The following C4BPA variants were observed in gnomAD, a reference collection of about 807,000 sequenced individuals.
The protein encoded by C4BPA is complement component 4 binding protein alpha, also known as C4b-binding protein alpha chain.
Under a neutral mutation model 63.7 loss-of-function variants are expected in C4BPA, and 31 were observed. The ratio of observed to expected loss-of-function variants is 0.49; its 90% CI spans 0.37 to 0.66. The LOEUF is 0.66. Ranked by LOEUF, C4BPA falls within the 30% of genes least tolerant of loss-of-function variation. The pLI, the probability that C4BPA is intolerant of heterozygous loss-of-function variation, is 0.00. For missense variants in C4BPA, 572 were observed against 723.3 expected (o/e 0.79, Z 2.40); for synonymous variants, 259 against 254.7 (o/e 1.02, Z -0.16).
At chr1:207,124,412 T>G in intron 6 of C4BPA, 46 bp downstream of exon 6, 1 of 1,440,162 alleles carries the variant, frequency 6.9e-7, no homozygotes, top group Non-Finnish European at 9.6e-7. Flanking sequence ...TGCTCTCTTT[T>G]GTTTAAAAGA....
intron 4 of C4BPA, among the ~76,000 whole-genome samples, chr1:207,123,421 T>C (rs1684960406): frequency 6.6e-6 from 1 of 152,212 alleles, no homozygotes; most frequent in African/African-American, 2.4e-5. Context: ...TTTGTTTTTT[T>C]CTGTTAGCAT....
chr1:207,134,743 G>A (rs1685243400), intron 9 of C4BPA, 151 bp downstream of exon 9: 1 of 540,586 alleles, frequency 1.8e-6, no homozygotes, highest in Non-Finnish European at 3.3e-6. Flanking sequence ...TCCTCATTGT[G>A]TGTTCCCTTT....
At chr1:207,127,713 T>C (rs1685076831) in intron 7 of C4BPA, among the ~76,000 whole-genome samples, 1 of 151,684 alleles carries the variant, frequency 6.6e-6, no homozygotes, top group Non-Finnish European at 1.5e-5. Context: ...CTCTGGAGAG[T>C]GATCAAAGGG....
intron 7 of C4BPA, 50 bp from the exon 8 acceptor site, chr1:207,131,496 G>T (rs1205637014): frequency 8.9e-6 from 12 of 1,341,324 alleles, no homozygotes; most frequent in Middle Eastern, 1.9e-4. Flanking sequence ...TGCTGTGGCA[G>T]CCCTAGTAAT....
chr1:207,131,421 G>T, intron 7 of C4BPA, 125 bp from the exon 8 acceptor site: 1 of 638,454 alleles, frequency 1.6e-6, no homozygotes, highest in South Asian at 2.0e-5. Context: ...GATACATCAG[G>T]CCTTGCAGGC....
Position 207,114,156 on chromosome 1 carries a change from A to T in C4BPA, c.199A>T (p.Thr67Ser). The change falls in exon 3 of 12, where the codon ACT becomes TCT. Residue 67 changes from threonine (T) to serine (S), a missense_variant. Physicochemically the swap from Thr to Ser is moderately conservative, Grantham distance 58 (BLOSUM62 1). Transcript: ENST00000367070. The part of the protein sequence containing the change: ...SFAAPMDITL[T>S]ETRFKTGTTL... ...TGCTGCCCCGATGGATATTACGTTG[A>T]CTGAGACACGCTTCAAAACTGGAAC... 1 of 1,613,788 alleles carries T rather than the reference A, an allele frequency of 6.2e-7. No homozygotes were observed. Among genetic ancestry groups the T allele is most frequent in the Non-Finnish European group, 8.5e-7 (1 of 1,179,806 alleles).
intron 8 of C4BPA, among the ~76,000 whole-genome samples, chr1:207,133,862 TAAACTTTTGA>T (rs1369457420): frequency 6.6e-6 from 1 of 152,214 alleles, no homozygotes; most frequent in African/African-American, 2.4e-5. Flanking sequence ...TAGGTGGATA[TAAACTTTTGA>T]AAACTTTCTT....
intron 9 of C4BPA, among the ~76,000 whole-genome samples, chr1:207,140,447 T>C (rs1685388542): frequency 6.6e-6 from 1 of 151,954 alleles, no homozygotes; most frequent in African/African-American, 2.4e-5. Context: ...GTAGTACTTA[T>C]AACTGCCATA....
chr1:207,131,029 T>C (rs1685147189), intron 7 of C4BPA, among the ~76,000 whole-genome samples: 1 of 152,252 alleles, frequency 6.6e-6, no homozygotes, highest in Non-Finnish European at 1.5e-5. Context: ...GGTAGATGTT[T>C]GCATTATATT....
At chr1:207,139,335 A>C (rs1220630429) in intron 9 of C4BPA, among the ~76,000 whole-genome samples, 1 of 152,200 alleles carries the variant, frequency 6.6e-6, no homozygotes, top group Admixed American at 6.5e-5. Flanking sequence ...ATAAGAATTT[A>C]ATGGAAATAT....
At chr1:207,105,846 A>C (rs981758150) in intron 1 of C4BPA, among the ~76,000 whole-genome samples, 1 of 152,194 alleles carries the variant, frequency 6.6e-6, no homozygotes, top group African/African-American at 2.4e-5. Context: ...TGCATTGCTA[A>C]GTGCTGATAT....
rs780829616 is a variant in C4BPA, at chr1:207,115,536, GA to G, written c.428+23del. 8 of 1,275,284 alleles carry G rather than the reference GA, an allele frequency of 6.3e-6. No individual in the cohort carries two copies. The Admixed American group carries it at 2.1e-4, about 33-fold the overall frequency. 79.0% of individuals were successfully genotyped at this position (1,275,284 alleles called of 1,614,324 possible). On this transcript the variant is annotated intron_variant, in intron 4 of 11. Coordinates refer to ENST00000367070, the MANE Select transcript of C4BPA (RefSeq NM_000715.4). ...GAAGGGTGAGTGTGAGGTAATCTAT[GA>G]ACAATTCTTTTATATTTATTTAAAA... is the stretch of plus-strand genomic sequence containing the variant.
chr1:207,122,011 T>C (rs547324199), intron 4 of C4BPA, among the ~76,000 whole-genome samples: 2 of 152,286 alleles, frequency 1.3e-5, no homozygotes, highest in South Asian at 4.1e-4. Context: ...CTCTTCCCTG[T>C]CTCTATTTTT....
Position 207,123,943 on chromosome 1 carries a change from C to G in C4BPA, c.450C>G (p.Thr150=), listed in dbSNP as rs967830992. 3.7e-6 allele frequency: 6 copies of G among 1,609,574 alleles called. No homozygotes were observed. Among genetic ancestry groups the G allele is most frequent in the Non-Finnish European group, 3.4e-6 (4 of 1,176,950 alleles). ...TCAGATTTTTCTTAATTGGCTCAAC[C>G]ACTAGTCGTTGTGAAGTCCAAGATA... ...CSEGFFLIGS[T]TSRCEVQDRG... The change falls in exon 5 of 12, where the codon ACC becomes ACG. Residue 150 remains threonine (T), a synonymous_variant. Coordinates refer to ENST00000367070, the MANE Select transcript of C4BPA (RefSeq NM_000715.4).
intron 1 of C4BPA, among the ~76,000 whole-genome samples, chr1:207,105,010 C>T (rs1038426293): frequency 1.3e-5 from 2 of 152,176 alleles, no homozygotes; most frequent in Admixed American, 1.3e-4. Context: ...CTGAATTTGA[C>T]GATGCTGATA....
At position 207,115,445 on chromosome 1, in the gene C4BPA, C is replaced by T. The variant is rs774180788; in HGVS notation, c.358C>T (p.Arg120Cys). The T allele has an allele frequency of 5.6e-6, 9 of 1,598,276 alleles. No homozygotes were observed. The highest frequency in any genetic ancestry group is 2.3e-5 in the East Asian group (1 of 43,948). ...YKRCRHPGEL[R>C]NGQVEIKTDL... is the part of the protein sequence containing the mutation. Reference sequence around the variant, plus strand: ...ACGATGCAGACACCCAGGAGAGTTACGTAATGGGCAAGTAGAGATTAAGAC... The same window carrying T: ...ACGATGCAGACACCCAGGAGAGTTATGTAATGGGCAAGTAGAGATTAAGAC... The change falls in exon 4 of 12, where the codon CGT becomes TGT. Residue 120 changes from arginine (R) to cysteine (C), a missense_variant. By Grantham distance (180) the Arg-to-Cys change is radical. Transcript: ENST00000367070.
intron 4 of C4BPA, among the ~76,000 whole-genome samples, chr1:207,115,763 T>C (rs1489335086): frequency 1.3e-5 from 2 of 152,158 alleles, no homozygotes; most frequent in Non-Finnish European, 1.5e-5. Flanking sequence ...ATTCTTATTT[T>C]CCCCCCTTTC....
intron 1 of C4BPA, among the ~76,000 whole-genome samples, chr1:207,111,805 C>T (rs1010174323): frequency 1.3e-5 from 2 of 152,192 alleles, no homozygotes; most frequent in Middle Eastern, 3.4e-3. Flanking sequence ...TATGGATGCA[C>T]GAGAGCGTCC....
At chr1:207,109,530 C>T (rs528271176) in intron 1 of C4BPA, among the ~76,000 whole-genome samples, 2 of 152,326 alleles carry the variant, frequency 1.3e-5, no homozygotes, top group African/African-American at 4.8e-5. Context: ...GGACTCGGTT[C>T]CCATGTGGTA....
Sources: allele counts gnomAD v4.1 joint callset (sites outside exome capture counted in the v4.1 genomes callset), GRCh38; gene constraint gnomAD v4.1.1; transcripts MANE v1.5; gene names NCBI Gene and HGNC (gene_info 2026-07-23, HGNC 2026-07-21).